Variants in RBM47 observed in about 807,000 individuals in gnomAD.
RBM47 encodes the protein RNA binding motif protein 47.
In RBM47, 21 loss-of-function variants were observed where a neutral mutation model predicts 47.1. The observed-to-expected ratio is 0.45, with a 90% CI of 0.32 to 0.64. The LOEUF (loss-of-function observed/expected upper bound fraction) is 0.64, where lower values mean the gene tolerates loss of function less well. Ranked by LOEUF, RBM47 falls within the 30% of genes least tolerant of loss-of-function variation. The pLI, the probability that RBM47 is intolerant of heterozygous loss-of-function variation, is 0.05. For missense variants in RBM47, 708 were observed against 870.9 expected (o/e 0.81, Z 2.35); for synonymous variants, 375 against 361.7 (o/e 1.04, Z -0.42).
chr4:40,612,018 T>G (rs1736307061), intron 1 of RBM47, among the ~76,000 whole-genome samples: 1 of 152,090 alleles, frequency 6.6e-6, no homozygotes. Flanking sequence ...GGAATAGAAT[T>G]CAAATGTTAA....
At chr4:40,434,972 T>G (rs1304992908) in intron 5 of RBM47, among the ~76,000 whole-genome samples, 1 of 152,138 alleles carries the variant, frequency 6.6e-6, no homozygotes, top group Non-Finnish European at 1.5e-5. Context: ...CGGACTGAGC[T>G]TTCCATGTGT....
At chr4:40,474,774 C>A (rs1438115285) in intron 2 of RBM47, among the ~76,000 whole-genome samples, 3 of 152,106 alleles carry the variant, frequency 2.0e-5, no homozygotes, top group Non-Finnish European at 4.4e-5. Context: ...TTCTTTGAAC[C>A]CAAACTTATC....
intron 3 of RBM47, among the ~76,000 whole-genome samples, chr4:40,456,552 TTTTTTTCTTTTC>T (rs1301946496): frequency 3.0e-4 from 44 of 145,304 alleles, no homozygotes; most frequent in African/African-American, 1.0e-3. Flanking sequence ...TTTTCTTTTT[TTTTTTTCTTTTC>T]TTTTTTCTTT....
chr4:40,437,215 C>A (rs1970850), intron 4 of RBM47, among the ~76,000 whole-genome samples: 104,857 of 135,966 alleles, frequency 0.77, 40,694 homozygotes, highest in East Asian at 0.87. Context: ...TTAAAGTTAG[C>A]TTTGGAAGGG....
chr4:40,545,657 T>G (rs1395388883), intron 1 of RBM47, among the ~76,000 whole-genome samples: 1 of 58,620 alleles, frequency 1.7e-5, no homozygotes, highest in East Asian at 4.8e-4. Flanking sequence ...AGAGCAAGGC[T>G]CCTTCTCAAA....
chr4:40,482,405 T>TA (rs768537561), intron 2 of RBM47, among the ~76,000 whole-genome samples: 4 of 152,030 alleles, frequency 2.6e-5, no homozygotes, highest in Non-Finnish European at 4.4e-5. Flanking sequence ...ATGTTCATGC[T>TA]ACCACACCCG....
chr4:40,565,764 G>A (rs1448682699), intron 1 of RBM47, among the ~76,000 whole-genome samples: 2 of 152,134 alleles, frequency 1.3e-5, no homozygotes, highest in African/African-American at 4.8e-5. Flanking sequence ...AGAAAAAAGA[G>A]AGGATAAATG....
intron 2 of RBM47, among the ~76,000 whole-genome samples, chr4:40,513,685 G>T (rs364773): frequency 0.82 from 124,286 of 152,042 alleles, 51,381 homozygotes; most frequent in African/African-American, 0.93. Context: ...AAAACACAGA[G>T]TTGAGGATAA....
At chr4:40,532,167 T>C (rs545646688) in intron 2 of RBM47, among the ~76,000 whole-genome samples, 3 of 149,666 alleles carry the variant, frequency 2.0e-5, no homozygotes, top group South Asian at 4.2e-4. Context: ...GGAGCCACCA[T>C]GCCCGGCTAA....
intron 3 of RBM47, among the ~76,000 whole-genome samples, chr4:40,441,038 C>T (rs1577637368): frequency 6.6e-6 from 1 of 151,988 alleles, no homozygotes; most frequent in Admixed American, 6.6e-5. Context: ...GGTTTGACGT[C>T]TCCAGTTATC....
chr4:40,600,526 C>T (rs1003272271), intron 1 of RBM47, among the ~76,000 whole-genome samples: 12 of 150,704 alleles, frequency 8.0e-5, no homozygotes, highest in African/African-American at 2.9e-4. Context: ...CCCAGCTACT[C>T]GGGAGGCTGA....
intron 2 of RBM47, among the ~76,000 whole-genome samples, chr4:40,473,278 T>C (rs278962): frequency 0.54 from 82,318 of 152,038 alleles, 24,180 homozygotes; most frequent in African/African-American, 0.78. Context: ...TGAGGTATAA[T>C]GAGGCTGCCC....
chr4:40,486,109 G>A lies in RBM47; in HGVS notation c.-154-19410C>T, dbSNP rs117102271. 4.1e-4 allele frequency among the ~76,000 whole-genome samples: 58 copies of A among 142,182 alleles called. 2 individuals are homozygous for A. In the East Asian group the frequency reaches 0.013, roughly 31 times the overall value. The allele number at this position is 142,182 out of a possible 152,430, so 93.3% of individuals were successfully genotyped here. A position where few individuals can be genotyped will look rare whatever the true frequency, so the allele number is the denominator to read the frequency against. On this transcript the variant is annotated intron_variant, in intron 2 of 6. Transcript: ENST00000295971. ...AAAAAAAAAAAAAAGAGCTTAGTGT[G>A]AAGAGTTTAGAAACTAAATACAGTA... is the stretch of plus-strand genomic sequence containing the variant.
At chr4:40,601,452 C>G (rs1735277753) in intron 1 of RBM47, among the ~76,000 whole-genome samples, 3 of 152,138 alleles carry the variant, frequency 2.0e-5, no homozygotes, top group Admixed American at 2.0e-4. Flanking sequence ...CATGACCACT[C>G]ATGGAAAGTT....
chr4:40,589,245 G>A (rs1056706314), intron 1 of RBM47, among the ~76,000 whole-genome samples: 1 of 151,692 alleles, frequency 6.6e-6, no homozygotes, highest in African/African-American at 2.4e-5. Context: ...TGGGATTATA[G>A]GCGTGAGCCA....
intron 1 of RBM47, among the ~76,000 whole-genome samples, chr4:40,554,349 A>T (rs1729868259): frequency 6.6e-6 from 1 of 151,802 alleles, no homozygotes; most frequent in African/African-American, 2.4e-5. Flanking sequence ...AACGTAAGTC[A>T]AATAGCCCAG....
At chr4:40,623,459 A>G (rs1418386437) in intron 1 of RBM47, among the ~76,000 whole-genome samples, 3 of 152,140 alleles carry the variant, frequency 2.0e-5, no homozygotes, top group African/African-American at 7.2e-5. Context: ...ATTCATTGAT[A>G]TTCACCTGAT....
At chr4:40,450,607 G>C (rs182185) in intron 3 of RBM47, among the ~76,000 whole-genome samples, 1 of 148,440 alleles carries the variant, frequency 6.7e-6, no homozygotes, top group Non-Finnish European at 1.5e-5. Context: ...TCTCAAAAAA[G>C]AAAAAAAAAA....
At chr4:40,450,309 T>C (rs1715211086) in intron 3 of RBM47, among the ~76,000 whole-genome samples, 1 of 152,168 alleles carries the variant, frequency 6.6e-6, no homozygotes, top group Admixed American at 6.6e-5. Context: ...TAAAATTCTT[T>C]CAGGCTGGGC....
Sources: gnomAD v4.1 joint callset for allele counts (sites outside exome capture counted in the v4.1 genomes callset) on GRCh38, gnomAD v4.1.1 for gene constraint, MANE v1.5 for transcripts, NCBI Gene and HGNC (gene_info 2026-07-23, HGNC 2026-07-21) for gene names.